LEMD3: variants seen among roughly 807,000 people sequenced by gnomAD.
LEMD3 encodes LEM domain containing 3.
LEMD3 carries 33 observed loss-of-function variants against 95.2 expected under a neutral mutation model. The ratio of observed to expected loss-of-function variants is 0.35; its 90% CI spans 0.26 to 0.46. LEMD3 has a LOEUF of 0.46. Among genes scored for constraint, LEMD3 ranks in the 20% least tolerant of loss-of-function variants. LEMD3 has a pLI of 1.00. For synonymous variants in LEMD3, 525 were observed against 474.6 expected, an observed-to-expected ratio of 1.11 and a Z score of -1.38; for missense variants, 1,210 against 1,192.8, an observed-to-expected ratio of 1.01 and a Z score of -0.21.
At chr12:65,190,421 C>CATGT (rs1287730770) in intron 1 of LEMD3, among the ~76,000 whole-genome samples, 10 of 152,156 alleles carry the variant, frequency 6.6e-5, no homozygotes, top group African/African-American at 2.4e-4. Flanking sequence ...GAAACATATA[C>CATGT]AGTCTATTCT....
intron 4 of LEMD3, among the ~76,000 whole-genome samples, chr12:65,235,631 G>C (rs1436356254): frequency 6.6e-6 from 1 of 152,048 alleles, no homozygotes; most frequent in Non-Finnish European, 1.5e-5. Context: ...AAAGTATAAA[G>C]AATGATGTGC....
At chr12:65,236,879 G>A (rs1245185818) in intron 4 of LEMD3, among the ~76,000 whole-genome samples, 2 of 152,034 alleles carry the variant, frequency 1.3e-5, no homozygotes, top group Non-Finnish European at 2.9e-5. Context: ...AAGAAAACAA[G>A]TAGAACAGTA....
intron 1 of LEMD3, among the ~76,000 whole-genome samples, chr12:65,192,105 TAA>T (rs35863115): frequency 0.076 from 10,418 of 137,974 alleles, 452 homozygotes; most frequent in East Asian, 0.16. Flanking sequence ...CACAGTTGCT[TAA>T]AAAAAAAAAA....
In LEMD3 at chr12:65,169,897, T is replaced by A. The variant is rs1485803322; in HGVS notation, c.301T>A (p.Leu101Ile). Residue 101 changes from leucine to isoleucine, a missense_variant, in exon 1 of 13, where the codon TTA (leucine) becomes ATA (isoleucine). Physicochemically the swap from Leu to Ile is conservative, Grantham distance 5. Transcript: ENST00000308330. ...VRPVSGDLSY[L>I]RTPGGLCRIS... ...GCCGGTCTCGGGCGACCTCTCCTAC[T>A]TACGGACTCCTGGGGGCCTGTGCCG... 1.4e-6 allele frequency: 2 copies of A among 1,450,682 alleles called. No homozygotes were observed. Among genetic ancestry groups the A allele is most frequent in the Non-Finnish European group, 1.8e-6 (2 of 1,101,680 alleles). The allele number at this position is 1,450,682 out of a possible 1,614,324, so 89.9% of individuals were successfully genotyped here. A position where few individuals can be genotyped will look rare whatever the true frequency, so the allele number is the denominator to read the frequency against.
intron 9 of LEMD3, 27 bp from the exon 10 acceptor site, chr12:65,243,361 A>G (rs559682826): frequency 7.6e-7 from 1 of 1,315,470 alleles, no homozygotes; most frequent in South Asian, 1.2e-5. Context: ...ACAATGTCAA[A>G]TAGTAAAACT....
Position 65,170,595 on chromosome 12 carries a change from C to A in LEMD3, c.999C>A (p.Asn333Lys). The change falls in exon 1 of 13, where the codon AAC becomes AAA. Residue 333 changes from asparagine to lysine, a missense_variant. Coordinates refer to ENST00000308330, the MANE Select transcript of LEMD3 (RefSeq NM_014319.5). ...AAAGSLDRSR[N>K]LEEAAAAEQG... ...CCGGGAGTCTAGACAGGAGCCGAAA[C>A]CTCGAAGAGGCGGCGGCCGCGGAGC... The A allele has an allele frequency of 6.2e-7, 1 of 1,614,044 alleles. No individual in the cohort carries two copies. Among genetic ancestry groups the A allele is most frequent in the Non-Finnish European group, 8.5e-7 (1 of 1,180,000 alleles).
chr12:65,230,395 T>G (rs1376494208), intron 4 of LEMD3, among the ~76,000 whole-genome samples: 3 of 152,160 alleles, frequency 2.0e-5, no homozygotes, highest in Non-Finnish European at 4.4e-5. Flanking sequence ...GGTAGTGTAG[T>G]TTTCATAATC....
intron 1 of LEMD3, among the ~76,000 whole-genome samples, chr12:65,192,298 T>C (rs547379849): frequency 2.6e-5 from 4 of 152,212 alleles, no homozygotes; most frequent in Non-Finnish European, 5.9e-5. Context: ...ACCTTGACCA[T>C]ACATAAAATT....
At chr12:65,238,946 T>C in intron 6 of LEMD3, 132 bp downstream of exon 6, 1 of 784,930 alleles carries the variant, frequency 1.3e-6, no homozygotes. Context: ...CTTCACTAAA[T>C]ATAATAAAAA....
chr12:65,226,078 G>A (rs1196222041), intron 4 of LEMD3, among the ~76,000 whole-genome samples: 4 of 152,210 alleles, frequency 2.6e-5, no homozygotes, highest in Non-Finnish European at 5.9e-5. Flanking sequence ...TCTTCATGCC[G>A]AGCTGGGGGT....
chr12:65,246,630 G>T lies in LEMD3; in HGVS notation c.*305G>T. 1 of 348,452 alleles carries T rather than the reference G, an allele frequency of 2.9e-6. No homozygotes were observed. The highest frequency in any genetic ancestry group is 5.4e-6 in the Non-Finnish European group (1 of 186,534). The allele number at this position is 348,452 out of a possible 1,614,324, so 21.6% of individuals were successfully genotyped here. A position where few individuals can be genotyped will look rare whatever the true frequency, so the allele number is the denominator to read the frequency against. On this transcript the variant is annotated 3_prime_UTR_variant, in exon 13 of 13. Transcript: ENST00000308330. ...GGTGGTTGTATTTTTGCCCCAAGAAGTGTTTGGATAACCACACAAAAGCAT... is the reference window on the plus strand; with the variant it reads ...GGTGGTTGTATTTTTGCCCCAAGAATTGTTTGGATAACCACACAAAAGCAT...
At chr12:65,219,195 G>C (rs1254770944) in intron 4 of LEMD3, among the ~76,000 whole-genome samples, 1 of 152,148 alleles carries the variant, frequency 6.6e-6, no homozygotes, top group African/African-American at 2.4e-5. Flanking sequence ...GTGAGTAGTA[G>C]CATGTAAGAG....
intron 1 of LEMD3, among the ~76,000 whole-genome samples, chr12:65,204,703 T>C (rs529424336): frequency 4.6e-5 from 7 of 152,272 alleles, no homozygotes; most frequent in African/African-American, 1.7e-4. Context: ...AGTAATTGAT[T>C]GGTGGGTCAA....
chr12:65,241,353 A>C (rs561844488), intron 9 of LEMD3, among the ~76,000 whole-genome samples: 2 of 152,008 alleles, frequency 1.3e-5, no homozygotes, highest in Admixed American at 1.3e-4. Context: ...AGTATTATAT[A>C]TATTAACTGC....
At chr12:65,229,222 A>G (rs1870550654) in intron 4 of LEMD3, among the ~76,000 whole-genome samples, 1 of 152,134 alleles carries the variant, frequency 6.6e-6, no homozygotes, top group African/African-American at 2.4e-5. Flanking sequence ...GAATCACATA[A>G]TTTTATTCTT....
intron 1 of LEMD3, 67 bp from the exon 2 acceptor site, chr12:65,210,859 G>C (rs145236346): frequency 8.5e-7 from 1 of 1,170,554 alleles, no homozygotes; most frequent in East Asian, 2.3e-5. Context: ...GCATTTCAGA[G>C]AGTTTGTTTG....
chr12:65,212,751 A>G (rs958706237), intron 2 of LEMD3, among the ~76,000 whole-genome samples: 5 of 152,172 alleles, frequency 3.3e-5, no homozygotes, highest in African/African-American at 9.7e-5. Context: ...ATGAAAGATT[A>G]TTTGAAAGCT....
intron 1 of LEMD3, among the ~76,000 whole-genome samples, chr12:65,207,324 G>A (rs988428233): frequency 6.6e-6 from 1 of 152,070 alleles, no homozygotes; most frequent in Non-Finnish European, 1.5e-5. Flanking sequence ...TATCTGCAAA[G>A]GCATTGAGAT....
chr12:65,172,588 C>T (rs905514645), intron 1 of LEMD3, among the ~76,000 whole-genome samples: 1 of 151,860 alleles, frequency 6.6e-6, no homozygotes, highest in Non-Finnish European at 1.5e-5. Flanking sequence ...GTGTCCTGCC[C>T]CAAATATTTG....
Sources: allele counts gnomAD v4.1 joint callset (sites outside exome capture counted in the v4.1 genomes callset), GRCh38; gene constraint gnomAD v4.1.1; transcripts MANE v1.5; gene names NCBI Gene and HGNC (gene_info 2026-07-23, HGNC 2026-07-21).